Variants in NFRKB observed in about 807,000 individuals in gnomAD.
NFRKB encodes the protein nuclear factor related to kappaB binding protein.
In NFRKB, 62 loss-of-function variants were observed where a neutral mutation model predicts 135.7. The ratio of observed to expected loss-of-function variants is 0.46; its 90% confidence interval spans 0.37 to 0.56. NFRKB has a LOEUF of 0.56. Among genes scored for constraint, NFRKB ranks in the 20% least tolerant of loss-of-function variants. The probability of loss-of-function intolerance (pLI) is 0.00; values close to 1 mark genes in which losing one functional copy is unlikely to be tolerated. For missense variants in NFRKB, 1,545 were observed against 1,662.0 expected (o/e 0.93, Z 1.22); for synonymous variants, 678 against 635.6 (o/e 1.07, Z -1.00).
At chr11:129,868,362 C>G (rs1591473905) in intron 24 of NFRKB, among the ~76,000 whole-genome samples, 1 of 152,170 alleles carries the variant, frequency 6.6e-6, no homozygotes, top group Admixed American at 6.5e-5. Context: ...TCACTCATAT[C>G]AGGGAAATGA....
intron 13 of NFRKB, among the ~76,000 whole-genome samples, chr11:129,879,719 C>G (rs1948940346): frequency 6.6e-6 from 1 of 152,068 alleles, no homozygotes; most frequent in African/African-American, 2.4e-5. Context: ...GTGAAGAGCC[C>G]TCCTCGGCCC....
chr11:129,873,379 T>C lies in NFRKB; in HGVS notation c.2551-283A>G, dbSNP rs1018675008. Among the ~76,000 whole-genome samples the C allele has an allele frequency of 2.6e-4, 40 of 152,212 alleles. 1 individual carries two copies. Among genetic ancestry groups the C allele is most frequent in the Admixed American group, 2.5e-3 (38 of 15,278 alleles). ...GCAAAGGAAACTGAGACAAAGAGGATACAAATGTTCTGTAAACTCACACAA... is the reference window on the plus strand; with the variant it reads ...GCAAAGGAAACTGAGACAAAGAGGACACAAATGTTCTGTAAACTCACACAA... On this transcript the variant is annotated intron_variant, in intron 22 of 26. Coordinates refer to ENST00000682444, the MANE Select transcript of NFRKB (RefSeq NM_001143835.2).
chr11:129,890,935 GTTTA>G (rs971383066), intron 3 of NFRKB, among the ~76,000 whole-genome samples: 32 of 152,130 alleles, frequency 2.1e-4, no homozygotes, highest in African/African-American at 7.0e-4. Context: ...TTTTAAAAAT[GTTTA>G]TTTATTTTCT....
Position 129,877,338 on chromosome 11 carries a change from A to T in NFRKB, c.1559T>A (p.Val520Asp), listed in dbSNP as rs1565404903. 1 of 1,613,714 alleles carries T rather than the reference A, an allele frequency of 6.2e-7. No individual in the cohort carries two copies. Among genetic ancestry groups the T allele is most frequent in the Non-Finnish European group, 8.5e-7 (1 of 1,179,926 alleles). Residue 520 changes from valine to aspartate, a missense_variant, in exon 16 of 27, where the codon GTT becomes GAT. Physicochemically the swap from Val to Asp is radical, Grantham distance 152 (BLOSUM62 -3). Around this residue, in one of 3 missense-constraint regions of NFRKB, gnomAD observed 678 missense variants for 646.7 expected, o/e 1.05. Transcript: ENST00000682444. Reference sequence around the variant, plus strand: ...TTAGGTTCTTACCTGCTCCTGAAAAACCCGTTTCTCCTCCCCCGTGCTGGG... The same window carrying T: ...TTAGGTTCTTACCTGCTCCTGAAAATCCCGTTTCTCCTCCCCCGTGCTGGG... ...VRPSTGEEKR[V>D]FQEQERYRYS...
chr11:129,865,407 C>A (rs537924623), intron 25 of NFRKB, among the ~76,000 whole-genome samples: 2 of 152,152 alleles, frequency 1.3e-5, no homozygotes, highest in Non-Finnish European at 1.5e-5. Flanking sequence ...AAGAAACGCT[C>A]CCCCTAATAG....
Position 129,881,465 on chromosome 11 carries a change from T to A in NFRKB, c.1362A>T (p.Lys454Asn), listed in dbSNP as rs747296664. ...TACCAAGCAACTTCCACTGCTGGGT[T>A]TTCTCTTTGAATTCAACAAATGGAG... ...SFSPFVEFKE[K>N]TQQWKLLGQS... Residue 454 changes from lysine (K) to asparagine (N), a missense_variant, in exon 13 of 27, where the codon AAA becomes AAT. This residue lies in a region of NFRKB where 678 missense variants were observed against 646.7 expected (regional missense o/e 1.05). Coordinates refer to ENST00000682444, the MANE Select transcript of NFRKB (RefSeq NM_001143835.2). The A allele has an allele frequency of 1.9e-6, 3 of 1,614,040 alleles. No homozygotes were observed. The South Asian group carries it at 3.3e-5, about 18-fold the overall frequency.
At position 129,872,939 on chromosome 11, in the gene NFRKB, C is replaced by T. The variant is rs1591486874; in HGVS notation, c.2708G>A (p.Ser903Asn). Residue 903 changes from serine (S) to asparagine (N), a missense_variant, in exon 23 of 27, where the codon AGT becomes AAT. By Grantham distance (46) the Ser-to-Asn change is conservative. Coordinates refer to ENST00000682444, the MANE Select transcript of NFRKB (RefSeq NM_001143835.2). ...ATSSPGTSAPSASTAAVIQNV... is the reference protein window; with the variant it reads ...ATSSPGTSAPNASTAAVIQNV... ...TTGAATGACGGCAGCCGTGGAGGCACTGGGAGCAGAGGTCCCAGGAGAACT... is the reference window on the plus strand; with the variant it reads ...TTGAATGACGGCAGCCGTGGAGGCATTGGGAGCAGAGGTCCCAGGAGAACT... 1.2e-6 allele frequency: 2 copies of T among 1,614,040 alleles called. No homozygotes were observed. Among genetic ancestry groups the T allele is most frequent in the Non-Finnish European group, 1.7e-6 (2 of 1,179,896 alleles).
At position 129,869,927 on chromosome 11, in the gene NFRKB, G is replaced by T; in HGVS notation, c.3098C>A (p.Ser1033Ter). ...CACAGTGGTACCTGTTGGAGTGGAT[G>T]AAGGGGCACTGGCTGAACTGGCCTT... The part of the protein sequence containing the change: ...PAKASSASAP[S>*]STPTGTTVVK... The change falls in exon 24 of 27, where the codon TCA becomes TAA. Residue 1033 changes from serine (S) to a stop codon, truncating the protein, a stop_gained. Coordinates refer to ENST00000682444, the MANE Select transcript of NFRKB (RefSeq NM_001143835.2). LOFTEE classifies it high-confidence loss of function. 1 of 1,614,272 alleles carries T rather than the reference G, an allele frequency of 6.2e-7. No homozygotes were observed.
intron 16 of NFRKB, 49 bp downstream of exon 16, chr11:129,877,276 C>A (rs1225176495): frequency 6.4e-7 from 1 of 1,571,544 alleles, no homozygotes; most frequent in African/African-American, 1.3e-5. Context: ...GAGCATCTCT[C>A]TGCATGGCTC....
At chr11:129,881,888 T>A in intron 11 of NFRKB, 35 bp from the exon 12 acceptor site, 1 of 1,562,754 alleles carries the variant, frequency 6.4e-7, no homozygotes, top group Non-Finnish European at 8.6e-7. Context: ...CAGTCAGACT[T>A]CTCTTCCACA....
intron 3 of NFRKB, 36 bp from the exon 4 acceptor site, chr11:129,888,831 A>T: frequency 6.3e-7 from 1 of 1,575,250 alleles, no homozygotes; most frequent in Non-Finnish European, 8.7e-7. Context: ...AAAGTAAAAT[A>T]AATTTTTGAG....
intron 23 of NFRKB, 82 bp from the exon 24 acceptor site, chr11:129,870,343 A>G (rs1226695227): frequency 2.1e-6 from 3 of 1,441,292 alleles, no homozygotes; most frequent in African/African-American, 1.4e-5. Context: ...CTTCCGTTTC[A>G]TGGGTAGATG....
chr11:129,886,167 G>A, intron 5 of NFRKB, 150 bp downstream of exon 5: 5 of 816,720 alleles, frequency 6.1e-6, no homozygotes, highest in Non-Finnish European at 9.8e-6. Flanking sequence ...TTTATCATAA[G>A]AAAGGATGGC....
At chr11:129,883,834 T>C (rs977884080) in intron 8 of NFRKB, among the ~76,000 whole-genome samples, 19 of 152,338 alleles carry the variant, frequency 1.2e-4, no homozygotes, top group South Asian at 6.2e-4. Flanking sequence ...ACGATTCCTA[T>C]ACTCGACAGT....
At chr11:129,890,017 T>C (rs1052714737) in intron 3 of NFRKB, among the ~76,000 whole-genome samples, 2 of 132,068 alleles carry the variant, frequency 1.5e-5, no homozygotes, top group African/African-American at 5.6e-5. Flanking sequence ...GTGATACTTT[T>C]TGGGTTTTTT....
chr11:129,870,142 G>C lies in NFRKB; in HGVS notation c.2883C>G (p.Thr961=). Residue 961 remains threonine (T), a synonymous_variant, in exon 24 of 27, where the codon ACC becomes ACG. Transcript: ENST00000682444. ...GAACCGTCTGGCCCTTGGCATCTGTGGTGATGGAAGAGGGCGGCAGACGCA... is the reference window on the plus strand; with the variant it reads ...GAACCGTCTGGCCCTTGGCATCTGTCGTGATGGAAGAGGGCGGCAGACGCA... ...DVLRLPPSSI[T]TDAKGQTVLR... is the part of the protein sequence containing the mutation. The C allele has an allele frequency of 1.2e-6, 2 of 1,614,258 alleles. No homozygotes were observed. Among genetic ancestry groups the C allele is most frequent in the Non-Finnish European group, 1.7e-6 (2 of 1,180,046 alleles).
chr11:129,877,948 T>C (rs1240078813), intron 15 of NFRKB, among the ~76,000 whole-genome samples: 3 of 152,214 alleles, frequency 2.0e-5, no homozygotes, highest in African/African-American at 7.2e-5. Flanking sequence ...GGGGTCCTGC[T>C]GCTAACCTTC....
chr11:129,895,355 C>A (rs1347774734), intron 1 of NFRKB, 141 bp downstream of exon 1: 2 of 151,250 alleles, frequency 1.3e-5, no homozygotes, highest in Non-Finnish European at 2.9e-5. Context: ...CCCAGCCTCA[C>A]GCGTCGCACC....
intron 3 of NFRKB, among the ~76,000 whole-genome samples, chr11:129,890,921 T>C (rs1480615972): frequency 6.6e-6 from 1 of 152,272 alleles, no homozygotes; most frequent in South Asian, 2.1e-4. Flanking sequence ...TTTTAAAATA[T>C]ACCTTTTAAA....
Sources: gnomAD v4.1 joint callset for allele counts (sites outside exome capture counted in the v4.1 genomes callset) on GRCh38, gnomAD v4.1.1 for gene constraint, gnomAD v4.1.1 regional missense constraint, MANE v1.5 for transcripts, NCBI Gene and HGNC (gene_info 2026-07-23, HGNC 2026-07-21) for gene names.